JMJD1C: variants seen among roughly 807,000 people sequenced by gnomAD.
The protein encoded by JMJD1C is jumonji domain containing 1C, also known as jumonji domain-containing protein 1C.
Under a neutral mutation model 245.3 loss-of-function variants are expected in JMJD1C, and 31 were observed. The observed-to-expected ratio is 0.13, with a 90% confidence interval of 0.09 to 0.17. The LOEUF is 0.17. JMJD1C is among the 10% of genes least tolerant of loss of function. The pLI is 1.00. For synonymous variants in JMJD1C, 1,057 were observed against 1,017.4 expected, an observed-to-expected ratio of 1.04 and a Z score of -0.74; for missense variants, 2,691 against 3,000.2, an observed-to-expected ratio of 0.90 and a Z score of 2.41.
At chr10:63,356,800 C>T (rs1378471403) in intron 2 of JMJD1C, among the ~76,000 whole-genome samples, 2 of 152,098 alleles carry the variant, frequency 1.3e-5, no homozygotes, top group Non-Finnish European at 2.9e-5. Flanking sequence ...CTGGGAAATA[C>T]AGGAAGAGAA....
Position 63,361,736 on chromosome 10 carries a change from A to AG in JMJD1C, c.333+18581_333+18582insC, listed in dbSNP as rs1484964657. Reference sequence around the variant, plus strand: ...GTCTCAACTAAAAAAAAAAAAAAAAAAAAAAAAAAAAGAAAAAGAATATCC... The same window carrying AG: ...GTCTCAACTAAAAAAAAAAAAAAAAAGAAAAAAAAAAAGAAAAAGAATATCC... On this transcript the variant is annotated intron_variant, in intron 2 of 25. Transcript: ENST00000399262. Among the ~76,000 whole-genome samples, 38 of 150,706 alleles carry AG rather than the reference A, an allele frequency of 2.5e-4. 2 individuals carry two copies. Among genetic ancestry groups the AG allele is most frequent in the Admixed American group, 2.5e-3 (37 of 15,048 alleles).
chr10:63,405,048 G>A (rs1949087027), intron 1 of JMJD1C, among the ~76,000 whole-genome samples: 1 of 152,100 alleles, frequency 6.6e-6, no homozygotes, highest in African/African-American at 2.4e-5. Context: ...AGAGTGCAAG[G>A]ATAAATATGT....
At chr10:63,283,367 C>CT (rs34629226) in intron 2 of JMJD1C, among the ~76,000 whole-genome samples, 1,936 of 122,538 alleles carry the variant, frequency 0.016, 30 homozygotes, top group East Asian at 0.046. Flanking sequence ...CTTTCTGAGC[C>CT]TTTTTTTTTT....
chr10:63,218,054 G>A (rs904801723), intron 4 of JMJD1C, among the ~76,000 whole-genome samples: 3 of 151,950 alleles, frequency 2.0e-5, no homozygotes, highest in Admixed American at 1.3e-4. Flanking sequence ...TATTAAAATG[G>A]TATCAAATAC....
chr10:63,416,405 G>GA (rs992296728), intron 1 of JMJD1C, among the ~76,000 whole-genome samples: 21 of 151,298 alleles, frequency 1.4e-4, no homozygotes, highest in African/African-American at 4.4e-4. Context: ...GTAATTGCAG[G>GA]AAAAATCTAT....
At chr10:63,441,405 T>C (rs112027925) in intron 1 of JMJD1C, among the ~76,000 whole-genome samples, 39 of 152,280 alleles carry the variant, frequency 2.6e-4, no homozygotes, top group African/African-American at 9.4e-4. Context: ...TCCAGACCTA[T>C]AAAATGGAAA....
At chr10:63,427,729 G>T in intron 1 of JMJD1C, 1 of 1,374,838 alleles carries the variant, frequency 7.3e-7, no homozygotes, top group South Asian at 1.2e-5. Context: ...AAGTGTCCAG[G>T]AATTTGGTCT....
At chr10:63,420,328 T>G (rs1437107330) in intron 1 of JMJD1C, among the ~76,000 whole-genome samples, 1 of 151,864 alleles carries the variant, frequency 6.6e-6, no homozygotes, top group Non-Finnish European at 1.5e-5. Flanking sequence ...GTACCACATA[T>G]GAAAATTTGT....
chr10:63,305,716 C>G (rs1938113867), intron 2 of JMJD1C, among the ~76,000 whole-genome samples: 2 of 142,404 alleles, frequency 1.4e-5, no homozygotes, highest in African/African-American at 5.1e-5. Context: ...TATTGCTATA[C>G]TTGTATTCAA....
chr10:63,182,839 C>T (rs1843653880), intron 22 of JMJD1C, among the ~76,000 whole-genome samples: 1 of 151,870 alleles, frequency 6.6e-6, no homozygotes, highest in African/African-American at 2.4e-5. Flanking sequence ...TCCTATTCTT[C>T]AATAAATTTT....
chr10:63,243,110 TATATATATATATATAA>T (rs957606875), intron 3 of JMJD1C, among the ~76,000 whole-genome samples: 3 of 124,210 alleles, frequency 2.4e-5, no homozygotes, highest in Non-Finnish European at 3.7e-5. Flanking sequence ...AAATTATATA[TATATATATATATATAA>T]ATATATATAT....
intron 1 of JMJD1C, among the ~76,000 whole-genome samples, chr10:63,386,123 T>G (rs1947569944): frequency 6.7e-6 from 1 of 149,446 alleles, no homozygotes; most frequent in Admixed American, 6.6e-5. Flanking sequence ...CCAAAAAGAG[T>G]AAGTTATCTC....
At chr10:63,330,929 T>G (rs1357301608) in intron 2 of JMJD1C, among the ~76,000 whole-genome samples, 4 of 152,184 alleles carry the variant, frequency 2.6e-5, no homozygotes, top group Non-Finnish European at 5.9e-5. Context: ...ATCTCTGATA[T>G]AAACTGTTCA....
intron 1 of JMJD1C, among the ~76,000 whole-genome samples, chr10:63,430,092 T>A (rs1950659154): frequency 6.6e-6 from 1 of 152,166 alleles, no homozygotes; most frequent in African/African-American, 2.4e-5. Flanking sequence ...GACAACTCAA[T>A]GGGGGAAAGA....
chr10:63,454,478 T>C (rs1381305646), intron 1 of JMJD1C, among the ~76,000 whole-genome samples: 1 of 151,684 alleles, frequency 6.6e-6, no homozygotes, highest in African/African-American at 2.4e-5. Context: ...AGCTGGAGTG[T>C]AGTGGTACGA....
At chr10:63,508,583 C>G (rs1488512305) in intron 1 of JMJD1C, among the ~76,000 whole-genome samples, 1 of 152,164 alleles carries the variant, frequency 6.6e-6, no homozygotes, top group Non-Finnish European at 1.5e-5. Flanking sequence ...AACTGACATT[C>G]TGATGATGCT....
intron 2 of JMJD1C, among the ~76,000 whole-genome samples, chr10:63,301,998 A>G (rs1331957505): frequency 1.3e-5 from 2 of 152,168 alleles, no homozygotes; most frequent in Admixed American, 1.3e-4. Context: ...TCCACTGGAT[A>G]GATGTAAAAT....
At position 63,223,167 on chromosome 10, in the gene JMJD1C, T is replaced by C. The variant is rs1589199958; in HGVS notation, c.448-3184A>G. 27 of 569,820 alleles carry C rather than the reference T, an allele frequency of 4.7e-5. No homozygotes were observed. In the East Asian group the frequency reaches 7.1e-4, roughly 15 times the overall value. The allele number at this position is 569,820 out of a possible 1,614,324, so 35.3% of individuals were successfully genotyped here. ...AAACCCAAACAAACAAAAACTTCCA[T>C]ACATAACCATCCATATACCTTTTCC... On this transcript the variant is annotated intron_variant, in intron 3 of 25. Transcript: ENST00000399262.
At chr10:63,279,831 A>G (rs1857200314) in intron 2 of JMJD1C, among the ~76,000 whole-genome samples, 1 of 152,124 alleles carries the variant, frequency 6.6e-6, no homozygotes. Context: ...TTACATATAC[A>G]TTTTTAAATG....
Sources: gnomAD v4.1 joint callset for allele counts (sites outside exome capture counted in the v4.1 genomes callset) on GRCh38, gnomAD v4.1.1 for gene constraint, MANE v1.5 for transcripts, NCBI Gene and HGNC (gene_info 2026-07-23, HGNC 2026-07-21) for gene names.